Variants in RASGRF2 observed in about 807,000 individuals in gnomAD.
The protein encoded by RASGRF2 is ras-specific guanine nucleotide-releasing factor 2.
In RASGRF2, 76 loss-of-function variants were observed where a neutral mutation model predicts 151.0. The ratio of observed to expected loss-of-function variants is 0.50; its 90% CI spans 0.42 to 0.61. The LOEUF (loss-of-function observed/expected upper bound fraction) is 0.61. Ranked by LOEUF, RASGRF2 falls within the 20% of genes least tolerant of loss-of-function variation. The probability of loss-of-function intolerance (pLI) is 0.00; values close to 1 mark genes in which losing one functional copy is unlikely to be tolerated. For missense variants in RASGRF2, 1,148 were observed against 1,564.6 expected (o/e 0.73, Z 4.49); for synonymous variants, 504 against 566.5 (o/e 0.89, Z 1.57).
chr5:81,224,989 A>C (rs746813859), intron 26 of RASGRF2, among the ~76,000 whole-genome samples: 20 of 132,004 alleles, frequency 1.5e-4, no homozygotes, highest in Admixed American at 4.0e-4. Flanking sequence ...AGATCAAACT[A>C]TCTATTTCAC....
At chr5:80,999,488 G>A (rs1296405467) in intron 1 of RASGRF2, among the ~76,000 whole-genome samples, 1 of 152,114 alleles carries the variant, frequency 6.6e-6, no homozygotes, top group African/African-American at 2.4e-5. Flanking sequence ...GACTACAGGT[G>A]CGTGCCACCA....
intron 22 of RASGRF2, among the ~76,000 whole-genome samples, chr5:81,211,146 G>GA (rs34983763): frequency 0.42 from 53,432 of 126,072 alleles, 10,852 homozygotes; most frequent in Middle Eastern, 0.53. Context: ...CCTGTCTCCA[G>GA]AAAAAAAAAA....
Position 81,226,626 on chromosome 5 carries a change from G to T in RASGRF2, c.*856G>T, listed in dbSNP as rs1279769169. ...GTGCTGTGGGGAATCATGGGTTTCA[G>T]TGCTGAGTGAAAATCTATACCTAAA... On this transcript the variant is annotated 3_prime_UTR_variant, in exon 27 of 27. Coordinates refer to ENST00000265080, the MANE Select transcript of RASGRF2 (RefSeq NM_006909.3). 1.3e-5 allele frequency: 2 copies of T among 152,220 alleles called. No homozygotes were observed. Among genetic ancestry groups the T allele is most frequent in the African/African-American group, 4.8e-5 (2 of 41,454 alleles). The allele number at this position is 152,220 out of a possible 1,614,324, so 9.4% of individuals were successfully genotyped here.
chr5:81,183,153 A>AT (rs753333963), intron 18 of RASGRF2: 1 of 977,634 alleles, frequency 1.0e-6, no homozygotes, highest in Non-Finnish European at 1.2e-6. Flanking sequence ...TAACAGTTAC[A>AT]TTTTTTCTCA....
intron 6 of RASGRF2, 109 bp from the exon 7 acceptor site, chr5:81,080,487 C>G: frequency 8.3e-7 from 1 of 1,209,594 alleles, no homozygotes; most frequent in East Asian, 2.4e-5. Flanking sequence ...GTTGCGGCTC[C>G]ATGCATGTGT....
At chr5:80,970,113 C>T (rs532497395) in intron 1 of RASGRF2, among the ~76,000 whole-genome samples, 4 of 152,284 alleles carry the variant, frequency 2.6e-5, no homozygotes, top group African/African-American at 9.6e-5. Flanking sequence ...GCATGAGCCA[C>T]CGCGCCCTTT....
intron 5 of RASGRF2, among the ~76,000 whole-genome samples, 188 bp downstream of exon 5, chr5:81,073,640 A>T (rs942271815): frequency 6.6e-6 from 1 of 151,492 alleles, no homozygotes; most frequent in Non-Finnish European, 1.5e-5. Flanking sequence ...TTTTTTTGAG[A>T]TGGAGTCTTG....
intron 15 of RASGRF2, among the ~76,000 whole-genome samples, chr5:81,119,636 A>G (rs946508694): frequency 1.3e-5 from 2 of 152,226 alleles, no homozygotes; most frequent in Non-Finnish European, 2.9e-5. Context: ...CAGATATTGG[A>G]CAGAGTGGGA....
At position 81,219,765 on chromosome 5, in the gene RASGRF2, A is replaced by G; in HGVS notation, c.3608A>G (p.Asp1203Gly). The stretch of plus-strand genomic sequence containing the variant: ...TTCCAGCAGACTTCCTACAGAATAG[A>G]TCATCAGCCAAAGGTAATATTATGT... ...RQFQQTSYRI[D>G]HQPKVAQYLL... Residue 1203 changes from aspartate (D) to glycine (G), a missense_variant, in exon 26 of 27, where the codon GAT (aspartate) becomes GGT (glycine). Physicochemically the swap from Asp to Gly is moderately conservative, Grantham distance 94. This residue lies in a region of RASGRF2 where 100 missense variants were observed against 148.2 expected (regional missense o/e 0.67). Coordinates refer to ENST00000265080, the MANE Select transcript of RASGRF2 (RefSeq NM_006909.3). 1.2e-6 allele frequency: 2 copies of G among 1,604,604 alleles called. No homozygotes were observed. Among genetic ancestry groups the G allele is most frequent in the Non-Finnish European group, 1.7e-6 (2 of 1,171,432 alleles).
intron 1 of RASGRF2, among the ~76,000 whole-genome samples, chr5:81,031,966 A>G (rs1580228636): frequency 6.6e-6 from 1 of 152,166 alleles, no homozygotes; most frequent in East Asian, 1.9e-4. Flanking sequence ...GATAAAGGGG[A>G]TATCACCACC....
chr5:81,087,033 C>A, intron 9 of RASGRF2, 80 bp downstream of exon 9: 2 of 1,324,538 alleles, frequency 1.5e-6, no homozygotes, highest in South Asian at 1.2e-5. Flanking sequence ...GGAAGGCGTT[C>A]TGAACAGGCG....
At chr5:81,087,135 GA>G in intron 9 of RASGRF2, 182 bp downstream of exon 9, 1 of 709,838 alleles carries the variant, frequency 1.4e-6, no homozygotes, top group Non-Finnish European at 2.6e-6. Context: ...CAGGGACCAT[GA>G]AAAACAGCAA....
At chr5:81,096,870 G>T (rs1025466029) in intron 12 of RASGRF2, among the ~76,000 whole-genome samples, 3 of 151,450 alleles carry the variant, frequency 2.0e-5, no homozygotes, top group African/African-American at 7.3e-5. Flanking sequence ...GTATTATGCT[G>T]CTTAGCAAAA....
chr5:81,138,872 A>G (rs248983), intron 17 of RASGRF2, among the ~76,000 whole-genome samples: 112,118 of 151,934 alleles, frequency 0.74, 41,625 homozygotes, highest in East Asian at 0.82. Context: ...TTCCTCTTGT[A>G]TTATGGATGG....
chr5:81,003,660 C>A (rs1419755835), intron 1 of RASGRF2, among the ~76,000 whole-genome samples: 1 of 152,056 alleles, frequency 6.6e-6, no homozygotes, highest in African/African-American at 2.4e-5. Context: ...TGATGCCTGG[C>A]CGAGACAATT....
At chr5:81,086,568 G>A (rs1307796070) in intron 8 of RASGRF2, among the ~76,000 whole-genome samples, 1 of 152,154 alleles carries the variant, frequency 6.6e-6, no homozygotes, top group African/African-American at 2.4e-5. Flanking sequence ...AAAATGACAT[G>A]TTGCTTTCCT....
chr5:81,127,923 CAAAAAAA>C (rs60196392), intron 17 of RASGRF2, among the ~76,000 whole-genome samples: 34 of 64,878 alleles, frequency 5.2e-4, no homozygotes, highest in African/African-American at 1.6e-3. Context: ...GACTCCGTCT[CAAAAAAA>C]AAAAAAAAAA....
intron 2 of RASGRF2, among the ~76,000 whole-genome samples, chr5:81,060,255 T>A (rs888330464): frequency 2.6e-5 from 4 of 152,244 alleles, no homozygotes; most frequent in Non-Finnish European, 4.4e-5. Flanking sequence ...ACCATTCCCC[T>A]TGAGGAAACT....
At chr5:81,055,369 G>T (rs1049949936) in intron 2 of RASGRF2, among the ~76,000 whole-genome samples, 1 of 152,024 alleles carries the variant, frequency 6.6e-6, no homozygotes, top group Non-Finnish European at 1.5e-5. Flanking sequence ...GCCTCTTCTG[G>T]ATCTATTGAG....
Sources: gnomAD v4.1 joint callset for allele counts (sites outside exome capture counted in the v4.1 genomes callset) on GRCh38, gnomAD v4.1.1 for gene constraint, gnomAD v4.1.1 regional missense constraint, MANE v1.5 for transcripts, NCBI Gene and HGNC (gene_info 2026-07-23, HGNC 2026-07-21) for gene names.